MAF: variants seen among roughly 807,000 people sequenced by gnomAD.
The protein encoded by MAF is transcription factor Maf.
Under a neutral mutation model 22.0 loss-of-function variants are expected in MAF, and 10 were observed. That is an observed-to-expected ratio of 0.45 (90% CI 0.28 to 0.77). The LOEUF (loss-of-function observed/expected upper bound fraction) is 0.77, where lower values mean the gene tolerates loss of function less well. Among genes scored for constraint, MAF ranks in the 30% least tolerant of loss-of-function variants. The pLI is 0.12. For missense variants in MAF, 544 were observed against 548.4 expected, an observed-to-expected ratio of 0.99 and a Z score of 0.08; for synonymous variants, 337 against 255.8, an observed-to-expected ratio of 1.32 and a Z score of -3.03.
At chr16:79,238,190 G>T in the MAF span, among the ~76,000 whole-genome samples, 1 of 151,934 alleles carries the variant, frequency 6.6e-6, no homozygotes, top group Non-Finnish European at 1.5e-5. Context: ...CTAGTATCCT[G>T]GGACAGAGCC....
the MAF span, among the ~76,000 whole-genome samples, chr16:79,449,574 T>G: frequency 1.3e-5 from 2 of 152,186 alleles, no homozygotes. Context: ...ATGAAGCAGT[T>G]GCTCTGTGTG....
the MAF span, among the ~76,000 whole-genome samples, chr16:79,210,134 C>T: frequency 6.6e-6 from 1 of 152,188 alleles, no homozygotes; most frequent in African/African-American, 2.4e-5. Context: ...CACTCACGGT[C>T]CACACCCCGC....
chr16:79,317,475 A>T, the MAF span, among the ~76,000 whole-genome samples: 4 of 71,702 alleles, frequency 5.6e-5, no homozygotes, highest in African/African-American at 2.2e-4. Flanking sequence ...CTTTTCTTCC[A>T]TCTCTCCCTC....
chr16:79,339,569 A>G, the MAF span, among the ~76,000 whole-genome samples: 2 of 152,334 alleles, frequency 1.3e-5, no homozygotes, highest in East Asian at 3.9e-4. Flanking sequence ...TTAAGCCGCT[A>G]AAATTTTGAG....
At chr16:79,585,082 C>A (rs917661003), downstream of MAF, among the ~76,000 whole-genome samples, 12 of 152,152 alleles carry the variant, frequency 7.9e-5, no homozygotes, top group Middle Eastern at 3.4e-3. Flanking sequence ...ATCAAATGTA[C>A]CATTAGCCAA....
At chr16:79,318,287 C>T in the MAF span, among the ~76,000 whole-genome samples, 1 of 152,248 alleles carries the variant, frequency 6.6e-6, no homozygotes, top group South Asian at 2.1e-4. Flanking sequence ...GAGCATTGTC[C>T]TTTGGGATGC....
At chr16:79,538,759 G>T in the MAF span, among the ~76,000 whole-genome samples, 60 of 151,980 alleles carry the variant, frequency 3.9e-4, no homozygotes, top group African/African-American at 1.4e-3. Flanking sequence ...CAAGGAGGTG[G>T]AGGTTGCAGT....
the MAF span, among the ~76,000 whole-genome samples, chr16:79,375,218 T>C: frequency 6.6e-6 from 1 of 152,194 alleles, no homozygotes; most frequent in African/African-American, 2.4e-5. Flanking sequence ...TGCCTCAAGT[T>C]GAATAGAACA....
chr16:79,482,631 A>T, the MAF span, among the ~76,000 whole-genome samples: 1 of 152,092 alleles, frequency 6.6e-6, no homozygotes, highest in African/African-American at 2.4e-5. Context: ...GATCATTTCC[A>T]TGCAGCAGTG....
the MAF span, among the ~76,000 whole-genome samples, chr16:79,274,615 T>C: frequency 2.0e-5 from 3 of 152,154 alleles, no homozygotes; most frequent in Non-Finnish European, 2.9e-5. Flanking sequence ...GTGCACTCCA[T>C]AGTCCAGGCT....
chr16:79,540,582 T>G, the MAF span, among the ~76,000 whole-genome samples: 1,496 of 152,306 alleles, frequency 9.8e-3, 19 homozygotes, highest in Non-Finnish European at 0.012. Context: ...CTCATTGGCA[T>G]GGTCAACTGG....
the MAF span, among the ~76,000 whole-genome samples, chr16:79,567,899 C>T: frequency 5.9e-5 from 9 of 152,304 alleles, no homozygotes; most frequent in South Asian, 2.1e-4. Flanking sequence ...TCTCCTGCGT[C>T]GCAGAGCTGA....
the MAF span, among the ~76,000 whole-genome samples, chr16:79,295,718 G>A: frequency 6.6e-6 from 1 of 152,186 alleles, no homozygotes; most frequent in Non-Finnish European, 1.5e-5. Flanking sequence ...TCTCCCACTG[G>A]GCAGTGGCAG....
chr16:79,457,679 A>T, the MAF span, among the ~76,000 whole-genome samples: 4 of 152,000 alleles, frequency 2.6e-5, no homozygotes, highest in African/African-American at 9.7e-5. Flanking sequence ...CTAGGAAGAC[A>T]TGTTACAGAA....
chr16:79,440,624 A>C, the MAF span, among the ~76,000 whole-genome samples: 2 of 152,044 alleles, frequency 1.3e-5, no homozygotes, highest in African/African-American at 2.4e-5. Flanking sequence ...TTAGTAGAGA[A>C]GGGGTTTCAC....
the MAF span, among the ~76,000 whole-genome samples, chr16:79,331,415 TCTC>T: frequency 6.6e-6 from 1 of 152,324 alleles, no homozygotes; most frequent in East Asian, 1.9e-4. Flanking sequence ...TATTTCTTAA[TCTC>T]CTTCACCCTT....
chr16:79,362,030 C>A, the MAF span, among the ~76,000 whole-genome samples: 1 of 152,170 alleles, frequency 6.6e-6, no homozygotes. Flanking sequence ...GGAAGGTGGG[C>A]TCTGAAATAA....
At chr16:79,513,229 G>T in the MAF span, among the ~76,000 whole-genome samples, 1 of 152,378 alleles carries the variant, frequency 6.6e-6, no homozygotes, top group South Asian at 2.1e-4. Context: ...CAACTCAGCA[G>T]TAGCTTAGAG....
At chr16:79,327,236 G>A in the MAF span, among the ~76,000 whole-genome samples, 1 of 152,208 alleles carries the variant, frequency 6.6e-6, no homozygotes, top group African/African-American at 2.4e-5. Context: ...GTTCGGTAGT[G>A]CCTGTGGTGG....
Sources: gnomAD v4.1 joint callset for allele counts (sites outside exome capture counted in the v4.1 genomes callset) on GRCh38, gnomAD v4.1.1 for gene constraint, MANE v1.5 for transcripts, NCBI Gene and HGNC (gene_info 2026-07-23, HGNC 2026-07-21) for gene names.